Variants in NRN1 observed in about 807,000 individuals in gnomAD.
NRN1 encodes the protein neuritin.
Under a neutral mutation model 15.0 loss-of-function variants are expected in NRN1, and 4 were observed. The ratio of observed to expected loss-of-function variants is 0.27; its 90% CI spans 0.13 to 0.61. The LOEUF (loss-of-function observed/expected upper bound fraction) is 0.61. NRN1 is among the 20% of genes least tolerant of loss of function. NRN1 has a pLI of 0.87. For missense variants in NRN1, 134 were observed against 181.9 expected, an observed-to-expected ratio of 0.74 and a Z score of 1.51; for synonymous variants, 85 against 79.8, an observed-to-expected ratio of 1.07 and a Z score of -0.35.
intron 2 of NRN1, 137 bp from the exon 3 acceptor site, chr6:5,999,341 C>T (rs1757866951): frequency 2.9e-6 from 2 of 688,390 alleles, no homozygotes; most frequent in Non-Finnish European, 4.9e-6. Context: ...TTCTCTTCAC[C>T]GCCCTGGCGC....
chr6:6,006,674 C>A, intron 1 of NRN1, 21 bp downstream of exon 1: 2 of 1,613,198 alleles, frequency 1.2e-6, no homozygotes, highest in Non-Finnish European at 1.7e-6. Flanking sequence ...CAGCCTCCAG[C>A]CGGGCTGAGC....
intron 1 of NRN1, among the ~76,000 whole-genome samples, chr6:6,005,864 C>G (rs1758097905): frequency 6.6e-6 from 1 of 152,052 alleles, no homozygotes; most frequent in African/African-American, 2.4e-5. Flanking sequence ...TTAAAAAGAC[C>G]CCTGACAGCG....
At chr6:6,004,075 T>A in intron 1 of NRN1, 1 of 1,081,380 alleles carries the variant, frequency 9.2e-7, no homozygotes, top group African/African-American at 1.6e-5. Flanking sequence ...CGTTTGCAAA[T>A]TGCTGCAGGA....
rs1308105506 is a variant in NRN1 at position 5,998,146 on chromosome 6, T to A, written c.*830A>T. ...GCTCTTTTATGTCAAAATCTTTTTT[T>A]AGCTATATTTTAGATTAACATTTAA... On this transcript the variant is annotated 3_prime_UTR_variant, in exon 3 of 3. Coordinates refer to ENST00000244766, the MANE Select transcript of NRN1 (RefSeq NM_016588.3). 2.6e-5 allele frequency: 4 copies of A among 152,236 alleles called. No individual in the cohort carries two copies. The highest frequency in any genetic ancestry group is 7.2e-5 in the African/African-American group (3 of 41,458). 9.4% of individuals were successfully genotyped at this position (152,236 alleles called of 1,614,324 possible).
intron 2 of NRN1, among the ~76,000 whole-genome samples, chr6:6,001,839 G>T (rs1192867161): frequency 1.3e-5 from 2 of 152,194 alleles, no homozygotes; most frequent in African/African-American, 4.8e-5. Context: ...GTTTTGTCAC[G>T]AGAAATGGAC....
At chr6:6,002,255 T>C (rs922807897) in intron 2 of NRN1, 98 bp downstream of exon 2, 8 of 1,466,208 alleles carry the variant, frequency 5.5e-6, no homozygotes, top group Admixed American at 5.3e-5. Context: ...GGATTCGCGC[T>C]GGCGCTGAAC....
At chr6:6,004,726 G>T (rs645649) in intron 1 of NRN1, among the ~76,000 whole-genome samples, 1 of 152,092 alleles carries the variant, frequency 6.6e-6, no homozygotes, top group African/African-American at 2.4e-5. Flanking sequence ...GCAGCCCGTG[G>T]GTCCCTCGCT....
intron 2 of NRN1, among the ~76,000 whole-genome samples, chr6:6,001,968 A>G (rs1757958682): frequency 6.6e-6 from 1 of 152,260 alleles, no homozygotes; most frequent in Admixed American, 6.5e-5. Context: ...GCAAGAGCAA[A>G]GAATGATCAA....
At chr6:6,005,437 C>G (rs533292868) in intron 1 of NRN1, among the ~76,000 whole-genome samples, 1 of 152,348 alleles carries the variant, frequency 6.6e-6, no homozygotes, top group Non-Finnish European at 1.5e-5. Flanking sequence ...ACTCTAAAAT[C>G]TTTATAATGT....
intron 1 of NRN1, among the ~76,000 whole-genome samples, chr6:6,005,085 G>C (rs1758071228): frequency 6.6e-6 from 1 of 152,036 alleles, no homozygotes; most frequent in African/African-American, 2.4e-5. Flanking sequence ...TTGGACCGAG[G>C]TTAATGTGTT....
In NRN1 at chr6:6,004,998, GT is replaced by G. The variant is rs557541892; in HGVS notation, c.55+1696del. Among the ~76,000 whole-genome samples the G allele has an allele frequency of 7.4e-4, 112 of 152,038 alleles. 1 individual carries two copies. The highest frequency in any genetic ancestry group is 2.5e-3 in the African/African-American group (105 of 41,476). ...CAGCCGTGAATTAATAAAGACCGAG[GT>G]TCTGTTGCAGGAAAGGGCAGACATT... On this transcript the variant is annotated intron_variant, in intron 1 of 2. Transcript: ENST00000244766.
chr6:6,003,253 C>T, intron 1 of NRN1: 1 of 1,234,600 alleles, frequency 8.1e-7, no homozygotes, highest in Non-Finnish European at 1.0e-6. Context: ...GTCCTGAGAC[C>T]TGGCGCGGAT....
chr6:6,003,877 G>T, intron 1 of NRN1: 1 of 1,231,352 alleles, frequency 8.1e-7, no homozygotes. Context: ...CCGCACTGGC[G>T]CCCACGACCC....
At chr6:5,999,299 C>T in intron 2 of NRN1, 95 bp from the exon 3 acceptor site, 1 of 1,044,810 alleles carries the variant, frequency 9.6e-7, no homozygotes, top group Non-Finnish European at 1.4e-6. Flanking sequence ...GCTGGCGGCC[C>T]CGCCAACTTC....
At position 5,998,603 on chromosome 6, in the gene NRN1, TAC is replaced by T. The variant is rs1481409154; in HGVS notation, c.*371_*372del. 2 of 165,742 alleles carry T rather than the reference TAC, an allele frequency of 1.2e-5. No homozygotes were observed. The highest frequency in any genetic ancestry group is 4.8e-5 in the African/African-American group (2 of 41,662). 10.3% of individuals were successfully genotyped at this position (165,742 alleles called of 1,614,324 possible). A position where few individuals can be genotyped will look rare whatever the true frequency, so the allele number is the denominator to read the frequency against. On this transcript the variant is annotated 3_prime_UTR_variant, in exon 3 of 3. Transcript: ENST00000244766. ...AGGAGGAGCCCATCATTTTTCATGTTACTAGCATGATTAATATAGTAGGTGGC... is the reference window on the plus strand; with the variant it reads ...AGGAGGAGCCCATCATTTTTCATGTTTAGCATGATTAATATAGTAGGTGGC...
In NRN1 at chr6:6,006,675, C is replaced by T. The variant is rs368608861; in HGVS notation, c.55+20G>A. The T allele has an allele frequency of 6.2e-7, 1 of 1,613,368 alleles. No individual in the cohort carries two copies. The stretch of plus-strand genomic sequence containing the variant: ...CTGCCTCCCGCCTCCAGCCTCCAGC[C>T]GGGCTGAGCGGCCACTTACCTATTT... On this transcript the variant is annotated intron_variant, in intron 1 of 2. Coordinates refer to ENST00000244766, the MANE Select transcript of NRN1 (RefSeq NM_016588.3).
chr6:6,002,250 C>A, intron 2 of NRN1, 103 bp downstream of exon 2: 1 of 1,433,328 alleles, frequency 7.0e-7, no homozygotes, highest in Non-Finnish European at 9.7e-7. Flanking sequence ...GATGCGGATT[C>A]GCGCTGGCGC....
chr6:6,003,237 C>T (rs1350423164), intron 1 of NRN1: 3 of 1,234,488 alleles, frequency 2.4e-6, no homozygotes, highest in Non-Finnish European at 3.0e-6. Flanking sequence ...AGAGGGCAGC[C>T]TGGACGTCCT....
chr6:6,003,654 G>GCCCCCC, intron 1 of NRN1: 1 of 1,185,442 alleles, frequency 8.4e-7, no homozygotes, highest in Non-Finnish European at 1.1e-6. Context: ...CCAAGCCCCC[G>GCCCCCC]GCCTCTGGAC....
Sources: gnomAD v4.1 joint callset for allele counts (sites outside exome capture counted in the v4.1 genomes callset) on GRCh38, gnomAD v4.1.1 for gene constraint, MANE v1.5 for transcripts, NCBI Gene and HGNC (gene_info 2026-07-23, HGNC 2026-07-21) for gene names.